Variants in DSCAM observed in about 807,000 individuals in gnomAD.
The protein encoded by DSCAM is cell adhesion molecule DSCAM.
In DSCAM, 47 loss-of-function variants were observed where a neutral mutation model predicts 217.7. The ratio of observed to expected loss-of-function variants is 0.22; its 90% CI spans 0.17 to 0.28. The LOEUF (loss-of-function observed/expected upper bound fraction) is 0.28, where lower values mean the gene tolerates loss of function less well. DSCAM is among the 10% of genes least tolerant of loss of function. The probability of loss-of-function intolerance (pLI) is 1.00; values close to 1 mark genes in which losing one functional copy is unlikely to be tolerated. For missense variants in DSCAM, 2,080 were observed against 2,618.3 expected (o/e 0.79, Z 4.49); for synonymous variants, 1,056 against 1,015.3 (o/e 1.04, Z -0.76).
intron 3 of DSCAM, among the ~76,000 whole-genome samples, chr21:40,381,346 C>T (rs966202202): frequency 5.9e-5 from 9 of 152,046 alleles, no homozygotes; most frequent in Admixed American, 3.3e-4. Flanking sequence ...TTGTATCAGG[C>T]GGACTCATGT....
intron 11 of DSCAM, among the ~76,000 whole-genome samples, chr21:40,191,037 C>A (rs780138127): frequency 2.0e-5 from 3 of 152,184 alleles, no homozygotes; most frequent in Non-Finnish European, 4.4e-5. Flanking sequence ...AAGCTCCCTT[C>A]CCCCATTTCT....
At chr21:40,473,989 C>T (rs1481054212) in intron 3 of DSCAM, among the ~76,000 whole-genome samples, 7 of 152,144 alleles carry the variant, frequency 4.6e-5, no homozygotes, top group Non-Finnish European at 1.0e-4. Context: ...TGAATGCAGA[C>T]GATCATCAAA....
chr21:40,412,711 C>A lies in DSCAM; in HGVS notation c.509-43466G>T, dbSNP rs182054089. Among the ~76,000 whole-genome samples the A allele has an allele frequency of 1.1e-3, 168 of 152,248 alleles. 1 individual carries two copies. Among genetic ancestry groups the A allele is most frequent in the Middle Eastern group, 3.4e-3 (1 of 294 alleles). On this transcript the variant is annotated intron_variant, in intron 3 of 32. Coordinates refer to ENST00000400454, the MANE Select transcript of DSCAM (RefSeq NM_001389.5). ...TGGGAAAATTTGTAACATCACCATG[C>A]GATGGAAAAGAAAATATATTCTGAG...
intron 15 of DSCAM, among the ~76,000 whole-genome samples, chr21:40,170,301 G>C (rs551972446): frequency 5.9e-5 from 9 of 152,314 alleles, no homozygotes; most frequent in Non-Finnish European, 1.2e-4. Flanking sequence ...GTCTTTGCAT[G>C]TCTCTGGTCA....
At chr21:40,193,869 C>A (rs189736340) in intron 11 of DSCAM, among the ~76,000 whole-genome samples, 1 of 152,290 alleles carries the variant, frequency 6.6e-6, no homozygotes, top group African/African-American at 2.4e-5. Flanking sequence ...TGAGAGCAAG[C>A]CAATTCTGAA....
chr21:40,070,394 G>GGAAAAGAAAAGAAAA (rs140043150), intron 27 of DSCAM, among the ~76,000 whole-genome samples: 1 of 144,114 alleles, frequency 6.9e-6, no homozygotes, highest in Admixed American at 6.9e-5. Flanking sequence ...AAGGAAGGAA[G>GGAAAAGAAAAGAAAA]GAAAAGAAAA....
At chr21:40,560,504 T>G (rs2076712132) in intron 3 of DSCAM, among the ~76,000 whole-genome samples, 1 of 152,224 alleles carries the variant, frequency 6.6e-6, no homozygotes, top group African/African-American at 2.4e-5. Flanking sequence ...ACATCGGTGT[T>G]TTCAGTCTAC....
intron 9 of DSCAM, among the ~76,000 whole-genome samples, chr21:40,308,059 T>A (rs1040622890): frequency 6.6e-6 from 1 of 151,914 alleles, no homozygotes; most frequent in Non-Finnish European, 1.5e-5. Context: ...ATTGTGCACA[T>A]ATACCCTAAA....
chr21:40,142,809 T>A (rs1326250014), intron 17 of DSCAM, 105 bp from the exon 18 acceptor site: 16 of 1,336,208 alleles, frequency 1.2e-5, no homozygotes, highest in Admixed American at 2.2e-5. Flanking sequence ...AAGCAAAAAA[T>A]TGCACTCAAC....
chr21:40,433,080 C>T (rs778458065), intron 3 of DSCAM, among the ~76,000 whole-genome samples: 9 of 152,012 alleles, frequency 5.9e-5, no homozygotes, highest in Admixed American at 1.3e-4. Context: ...CAAAATGAGC[C>T]GGGCATGGTA....
intron 8 of DSCAM, among the ~76,000 whole-genome samples, chr21:40,328,032 T>G (rs1166662833): frequency 6.6e-6 from 1 of 152,066 alleles, no homozygotes; most frequent in Non-Finnish European, 1.5e-5. Context: ...TGTTCATGGA[T>G]GAGAAGAATT....
chr21:40,569,873 T>C lies in DSCAM; in HGVS notation c.508+122937A>G, dbSNP rs566151749. Among the ~76,000 whole-genome samples the C allele has an allele frequency of 1.7e-4, 26 of 152,024 alleles. No homozygotes were observed. In the South Asian group the frequency reaches 1.9e-3, roughly 11 times the overall value. ...GAGAGCAAAATATAAATTTAAAATA[T>C]AAAAATAATATATAGAACATAGAAT... is the stretch of plus-strand genomic sequence containing the variant. On this transcript the variant is annotated intron_variant, in intron 3 of 32. Coordinates refer to ENST00000400454, the MANE Select transcript of DSCAM (RefSeq NM_001389.5).
chr21:40,182,552 G>A (rs2090820389), intron 14 of DSCAM, among the ~76,000 whole-genome samples: 1 of 151,034 alleles, frequency 6.6e-6, no homozygotes, highest in African/African-American at 2.4e-5. Context: ...GAGAAACCGT[G>A]GACAGGAGGG....
chr21:40,049,758 C>A (rs1414920660), intron 30 of DSCAM, among the ~76,000 whole-genome samples: 2 of 152,172 alleles, frequency 1.3e-5, no homozygotes, highest in Non-Finnish European at 2.9e-5. Context: ...GTGCGTCCTG[C>A]CTGGCACTCG....
intron 6 of DSCAM, among the ~76,000 whole-genome samples, chr21:40,345,169 T>C (rs116890498): frequency 0.018 from 2,785 of 152,330 alleles, 26 homozygotes; most frequent in South Asian, 0.029. Context: ...CTGTAAGTTA[T>C]TGAACATATT....
intron 4 of DSCAM, among the ~76,000 whole-genome samples, chr21:40,356,363 T>G (rs55819061): frequency 6.8e-6 from 1 of 147,588 alleles, no homozygotes; most frequent in African/African-American, 2.5e-5. Context: ...TGTGAGGCAA[T>G]AGATATGTTA....
chr21:40,558,583 A>G (rs2076691607), intron 3 of DSCAM, among the ~76,000 whole-genome samples: 1 of 152,222 alleles, frequency 6.6e-6, no homozygotes. Context: ...GGATAATCAA[A>G]TGATCTGGGA....
At chr21:40,531,704 G>T (rs1375034621) in intron 3 of DSCAM, among the ~76,000 whole-genome samples, 1 of 152,208 alleles carries the variant, frequency 6.6e-6, no homozygotes, top group African/African-American at 2.4e-5. Context: ...CAGGTGGGTG[G>T]CATGCAGCAC....
At chr21:40,250,026 A>G (rs1015478164) in intron 11 of DSCAM, among the ~76,000 whole-genome samples, 9 of 152,216 alleles carry the variant, frequency 5.9e-5, no homozygotes, top group Admixed American at 1.3e-4. Flanking sequence ...TTTAACCTTG[A>G]GAACATGGTC....
Sources: allele counts gnomAD v4.1 joint callset (sites outside exome capture counted in the v4.1 genomes callset), GRCh38; gene constraint gnomAD v4.1.1; transcripts MANE v1.5; gene names NCBI Gene and HGNC (gene_info 2026-07-23, HGNC 2026-07-21).